Variants in TANGO6 observed in about 807,000 individuals in gnomAD.
TANGO6 encodes the protein transport and golgi organization 6 homolog, also known as transport and Golgi organization protein 6 homolog.
A neutral mutation model predicts 114.2 loss-of-function variants in TANGO6; 90 were observed. The ratio of observed to expected loss-of-function variants is 0.79; its 90% CI spans 0.66 to 0.94. The LOEUF (loss-of-function observed/expected upper bound fraction) is 0.94. Ranked by LOEUF, TANGO6 falls within the 40% of genes least tolerant of loss-of-function variation. The probability of loss-of-function intolerance (pLI) is 0.00; values close to 1 mark genes in which losing one functional copy is unlikely to be tolerated. For synonymous variants in TANGO6, 477 were observed against 509.8 expected (o/e 0.94, Z 0.87); for missense variants, 1,274 against 1,315.3 (o/e 0.97, Z 0.49).
At chr16:69,008,104 A>T (rs575034433) in intron 15 of TANGO6, among the ~76,000 whole-genome samples, 57 of 151,810 alleles carry the variant, frequency 3.8e-4, no homozygotes, top group African/African-American at 1.1e-3. Flanking sequence ...CACTTTTTTT[A>T]AAAAAAAGAA....
intron 1 of TANGO6, among the ~76,000 whole-genome samples, chr16:68,856,390 C>T (rs1022160620): frequency 4.6e-5 from 7 of 152,312 alleles, no homozygotes; most frequent in African/African-American, 1.4e-4. Flanking sequence ...ATGAATCACA[C>T]TGATTGAGTG....
chr16:68,906,951 G>A (rs940235725), intron 9 of TANGO6, among the ~76,000 whole-genome samples: 3 of 151,746 alleles, frequency 2.0e-5, no homozygotes, highest in Admixed American at 6.6e-5. Flanking sequence ...GAGCCACTAC[G>A]CCCAGCTAAT....
chr16:68,957,507 C>T (rs534746519), intron 14 of TANGO6, among the ~76,000 whole-genome samples: 2 of 151,156 alleles, frequency 1.3e-5, no homozygotes, highest in East Asian at 3.9e-4. Context: ...AAGCAGTTCT[C>T]GTGCCTCGGC....
chr16:69,014,396 C>G (rs538283550), intron 15 of TANGO6, among the ~76,000 whole-genome samples: 1 of 152,298 alleles, frequency 6.6e-6, no homozygotes, highest in East Asian at 1.9e-4. Flanking sequence ...AACTGGGTCA[C>G]ATGCCCATGC....
At chr16:69,013,979 A>G (rs1281253892) in intron 15 of TANGO6, among the ~76,000 whole-genome samples, 1 of 152,118 alleles carries the variant, frequency 6.6e-6, no homozygotes, top group African/African-American at 2.4e-5. Flanking sequence ...TAGTTTTGAC[A>G]AATCTAACTT....
intron 14 of TANGO6, among the ~76,000 whole-genome samples, chr16:68,948,560 G>A (rs1332348318): frequency 1.3e-5 from 2 of 152,158 alleles, no homozygotes; most frequent in African/African-American, 4.8e-5. Context: ...TTGTTCCCAA[G>A]ATGCAAGGGC....
chr16:68,981,315 A>G (rs1467285410), intron 15 of TANGO6, among the ~76,000 whole-genome samples: 2 of 149,566 alleles, frequency 1.3e-5, no homozygotes, highest in Non-Finnish European at 3.0e-5. Context: ...GGTTCAAGCA[A>G]TTCTCCTGCC....
chr16:68,978,943 G>C (rs958384220), intron 15 of TANGO6, among the ~76,000 whole-genome samples: 4 of 54,118 alleles, frequency 7.4e-5, no homozygotes, highest in African/African-American at 2.5e-4. Flanking sequence ...TTTTTTTTTT[G>C]AGACAGGGTC....
chr16:68,932,238 G>A (rs1275169133), intron 14 of TANGO6, among the ~76,000 whole-genome samples: 4 of 152,014 alleles, frequency 2.6e-5, no homozygotes, highest in African/African-American at 9.7e-5. Context: ...TTACAGGCAT[G>A]TGCCACCACA....
intron 17 of TANGO6, among the ~76,000 whole-genome samples, chr16:69,082,331 T>C (rs1001377003): frequency 7.3e-5 from 11 of 150,938 alleles, no homozygotes; most frequent in Middle Eastern, 3.2e-3. Flanking sequence ...CACTAACTCC[T>C]GATCTCAAGT....
chr16:69,022,828 G>A lies in TANGO6; in HGVS notation c.2843G>A (p.Gly948Glu). 1 of 1,572,984 alleles carries A rather than the reference G, an allele frequency of 6.4e-7. No individual in the cohort carries two copies. The highest frequency in any genetic ancestry group is 8.6e-7 in the Non-Finnish European group (1 of 1,158,564). The change falls in exon 16 of 18, where the codon GGA becomes GAA. Residue 948 changes from glycine (G) to glutamate (E), a missense_variant and splice_region_variant. Physicochemically the swap from Gly to Glu is moderately conservative, Grantham distance 98 (BLOSUM62 -2). Coordinates refer to ENST00000261778, the MANE Select transcript of TANGO6 (RefSeq NM_024562.2). ...TTTGATTTCTTCCTTTTTCCTATAG[G>A]AGACATGGTCTCAAAGTACCGAGAA... ...EVLMRIVRAL[G>E]DMVSKYREPL...
intron 14 of TANGO6, among the ~76,000 whole-genome samples, chr16:68,968,553 G>A (rs1276336025): frequency 6.6e-6 from 1 of 151,118 alleles, no homozygotes; most frequent in Non-Finnish European, 1.5e-5. Context: ...TAGTAGAGAG[G>A]GGGGTTTCAC....
chr16:68,971,070 T>C (rs1028427568), intron 14 of TANGO6, among the ~76,000 whole-genome samples: 4 of 151,616 alleles, frequency 2.6e-5, no homozygotes, highest in Non-Finnish European at 4.4e-5. Flanking sequence ...GGAGAATTGC[T>C]TGAACCGGGA....
chr16:68,983,140 G>A (rs908439267), intron 15 of TANGO6, among the ~76,000 whole-genome samples: 7 of 152,074 alleles, frequency 4.6e-5, no homozygotes, highest in South Asian at 4.2e-4. Flanking sequence ...GTGAGCCACC[G>A]CACTGGGCTG....
chr16:68,924,833 C>T (rs1011974729), intron 12 of TANGO6, among the ~76,000 whole-genome samples: 1 of 151,906 alleles, frequency 6.6e-6, no homozygotes, highest in Admixed American at 6.6e-5. Context: ...TAGCTGCTGC[C>T]ACCCAGTGCA....
chr16:68,954,120 T>A (rs28491936), intron 14 of TANGO6, among the ~76,000 whole-genome samples: 1 of 151,500 alleles, frequency 6.6e-6, no homozygotes, highest in Admixed American at 6.6e-5. Context: ...TGTGGTGGTG[T>A]GTGCCTGTAA....
intron 17 of TANGO6, 68 bp from the exon 18 acceptor site, chr16:69,083,417 G>C: frequency 6.6e-7 from 1 of 1,508,752 alleles, no homozygotes; most frequent in Non-Finnish European, 8.9e-7. Flanking sequence ...AGGAGGAGAG[G>C]GCAGTTCAGT....
intron 17 of TANGO6, among the ~76,000 whole-genome samples, chr16:69,077,891 G>C (rs1159576258): frequency 6.6e-6 from 1 of 152,134 alleles, no homozygotes; most frequent in Non-Finnish European, 1.5e-5. Context: ...TTACCATCTA[G>C]AGAGGAAAAC....
At chr16:68,955,328 T>A (rs1164961592) in intron 14 of TANGO6, among the ~76,000 whole-genome samples, 1 of 152,210 alleles carries the variant, frequency 6.6e-6, no homozygotes, top group African/African-American at 2.4e-5. Context: ...ATCTATTATT[T>A]GTCTTGCAAT....
Sources: gnomAD v4.1 joint callset for allele counts (sites outside exome capture counted in the v4.1 genomes callset) on GRCh38, gnomAD v4.1.1 for gene constraint, MANE v1.5 for transcripts, NCBI Gene and HGNC (gene_info 2026-07-23, HGNC 2026-07-21) for gene names.